CXADR: variants seen among roughly 807,000 people sequenced by gnomAD.
The protein encoded by CXADR is coxsackievirus and adenovirus receptor.
A neutral mutation model predicts 40.3 loss-of-function variants in CXADR; 20 were observed. The ratio of observed to expected loss-of-function variants is 0.50; its 90% confidence interval spans 0.35 to 0.72. The LOEUF (loss-of-function observed/expected upper bound fraction) is 0.72, where lower values mean the gene tolerates loss of function less well. Ranked by LOEUF, CXADR falls within the 30% of genes least tolerant of loss-of-function variation. CXADR has a pLI of 0.01. For synonymous variants in CXADR, 150 were observed against 161.3 expected (o/e 0.93, Z 0.53); for missense variants, 332 against 449.1 (o/e 0.74, Z 2.36).
chr21:17,598,146 C>T (rs2061527224), downstream of CXADR, among the ~76,000 whole-genome samples: 1 of 152,052 alleles, frequency 6.6e-6, no homozygotes, highest in African/African-American at 2.4e-5. Flanking sequence ...AGCTATATGA[C>T]TTTTCAACTA....
chr21:17,605,721 TAATA>T, the CXADR span, among the ~76,000 whole-genome samples: 1 of 152,184 alleles, frequency 6.6e-6, no homozygotes, highest in East Asian at 1.9e-4. Context: ...ATGGAATGTT[TAATA>T]AATAAAAAAT....
intron 1 of CXADR, among the ~76,000 whole-genome samples, chr21:17,540,416 G>A (rs892936076): frequency 2.6e-5 from 4 of 152,016 alleles, no homozygotes; most frequent in Non-Finnish European, 4.4e-5. Flanking sequence ...GATTGTATTT[G>A]CTGTTGGGTG....
chr21:17,528,607 C>T (rs1446994793), intron 1 of CXADR, among the ~76,000 whole-genome samples: 1 of 150,752 alleles, frequency 6.6e-6, no homozygotes, highest in Admixed American at 6.6e-5. Context: ...GGGGTTTCTT[C>T]ATGTTGGTCA....
intron 3 of CXADR, among the ~76,000 whole-genome samples, chr21:17,555,925 CCT>C (rs921017414): frequency 4.5e-4 from 68 of 152,140 alleles, no homozygotes; most frequent in African/African-American, 1.5e-3. Flanking sequence ...AAAAGTATCC[CCT>C]GTCTCATGTA....
chr21:17,565,518 C>G lies in CXADR; in HGVS notation c.924C>G (p.Ser308=). The change falls in exon 7 of 7, where the codon TCC becomes TCG. Residue 308 remains serine, a synonymous_variant. Coordinates refer to ENST00000284878, the MANE Select transcript of CXADR (RefSeq NM_001338.5). ...CATCCCTGGGGTCCATGTCTCCTTC[C>G]AACATGGAAGGATATTCCAAGACTC... ...NHSSLGSMSP[S]NMEGYSKTQY... 1 of 1,613,880 alleles carries G rather than the reference C, an allele frequency of 6.2e-7. No individual in the cohort carries two copies. Among genetic ancestry groups the G allele is most frequent in the African/African-American group, 1.3e-5 (1 of 75,006 alleles).
the CXADR span, among the ~76,000 whole-genome samples, chr21:17,609,639 C>A: frequency 6.6e-6 from 1 of 152,238 alleles, no homozygotes; most frequent in Non-Finnish European, 1.5e-5. Context: ...ACAGAGTTAT[C>A]ATATGACACG....
intron 7 of CXADR, among the ~76,000 whole-genome samples, chr21:17,591,777 A>C (rs2061437496): frequency 1.3e-5 from 2 of 151,958 alleles, no homozygotes; most frequent in South Asian, 4.1e-4. Context: ...TCATGTTTTA[A>C]GAGCCACCTT....
At chr21:17,522,807 A>C (rs1310049682) in intron 1 of CXADR, among the ~76,000 whole-genome samples, 1 of 152,098 alleles carries the variant, frequency 6.6e-6, no homozygotes, top group Non-Finnish European at 1.5e-5. Flanking sequence ...TCTCCAGTAC[A>C]TTTCTAGTCT....
At chr21:17,544,975 GT>G (rs901727844) in intron 1 of CXADR, among the ~76,000 whole-genome samples, 19 of 150,630 alleles carry the variant, frequency 1.3e-4, no homozygotes, top group Non-Finnish European at 1.6e-4. Flanking sequence ...CTTCATTTTG[GT>G]TTGTTCTGTC....
intron 1 of CXADR, among the ~76,000 whole-genome samples, chr21:17,530,730 C>G (rs1440512914): frequency 6.6e-6 from 1 of 152,156 alleles, no homozygotes; most frequent in Non-Finnish European, 1.5e-5. Context: ...AGGAGAATCA[C>G]TTGAGCCCAG....
rs1403613011 is a variant in CXADR at position 17,568,789 on chromosome 21, C to T, written c.*3097C>T. The stretch of plus-strand genomic sequence containing the variant: ...CCCTTGTTAGAGAGCCTCTCACTCC[C>T]CCACCCCCAAAAATGTCTACTATTC... On this transcript the variant is annotated 3_prime_UTR_variant, in exon 7 of 7. Coordinates refer to ENST00000284878, the MANE Select transcript of CXADR (RefSeq NM_001338.5). 1 of 984,900 alleles carries T rather than the reference C, an allele frequency of 1.0e-6. No homozygotes were observed. The highest frequency in any genetic ancestry group is 4.7e-5 in the South Asian group (1 of 21,258). 61.0% of individuals were successfully genotyped at this position (984,900 alleles called of 1,614,324 possible).
chr21:17,565,679 G>C lies in CXADR; in HGVS notation c.1085G>C (p.Gly362Ala), dbSNP rs2061197850. Residue 362 changes from glycine (G) to alanine (A), a missense_variant, in exon 7 of 7, where the codon GGG (glycine) becomes GCG (alanine). Coordinates refer to ENST00000284878, the MANE Select transcript of CXADR (RefSeq NM_001338.5). ...ATGATTCCAGCACAGAGCAAGGATG[G>C]GTCTATAGTATAGAGCCTCCATATG... Reference protein sequence around the residue: ...PVMIPAQSKDGSIV With the variant: ...PVMIPAQSKDASIV The C allele has an allele frequency of 3.1e-6, 5 of 1,611,704 alleles. No homozygotes were observed. The highest frequency in any genetic ancestry group is 4.2e-6 in the Non-Finnish European group (5 of 1,179,814).
chr21:17,557,027 C>T (rs940276229), intron 3 of CXADR, among the ~76,000 whole-genome samples: 14 of 152,158 alleles, frequency 9.2e-5, no homozygotes, highest in Admixed American at 9.2e-4. Context: ...AGTGTTCAAG[C>T]AGCATTATTC....
the CXADR span, among the ~76,000 whole-genome samples, chr21:17,632,529 A>G: frequency 6.6e-6 from 1 of 152,210 alleles, no homozygotes; most frequent in Non-Finnish European, 1.5e-5. Context: ...CATTTAGGAG[A>G]CACAAACAAA....
the CXADR span, chr21:17,608,834 A>T: frequency 2.4e-6 from 2 of 841,544 alleles, no homozygotes; most frequent in Non-Finnish European, 3.5e-6. Context: ...AGTAAGGAGA[A>T]AATATACAAA....
chr21:17,562,694 T>C (rs1050669903), intron 6 of CXADR, among the ~76,000 whole-genome samples: 2 of 152,260 alleles, frequency 1.3e-5, no homozygotes, highest in African/African-American at 4.8e-5. Context: ...TGTTACTTAG[T>C]GTAGTTACCT....
At chr21:17,612,823 G>A in the CXADR span, 1 of 152,176 alleles carries the variant, frequency 6.6e-6, no homozygotes, top group African/African-American at 2.4e-5. Context: ...AGCCTCGTCC[G>A]GCGCGTGCGG....
Position 17,568,198 on chromosome 21 carries a change from G to A in CXADR, c.*2506G>A, listed in dbSNP as rs2061237460. 28 of 954,234 alleles carry A rather than the reference G, an allele frequency of 2.9e-5. No individual in the cohort carries two copies. The highest frequency in any genetic ancestry group is 3.2e-5 in the Non-Finnish European group (26 of 809,898). The allele number at this position is 954,234 out of a possible 1,614,324, so 59.1% of individuals were successfully genotyped here. Reference sequence around the variant, plus strand: ...GGCTGGAGTGCAGTGGCGGGATCTCGGCTCACTGCAAGCTCCGCCTCCCAG... The same window carrying A: ...GGCTGGAGTGCAGTGGCGGGATCTCAGCTCACTGCAAGCTCCGCCTCCCAG... On this transcript the variant is annotated 3_prime_UTR_variant, in exon 7 of 7. Coordinates refer to ENST00000284878, the MANE Select transcript of CXADR (RefSeq NM_001338.5).
At chr21:17,623,468 G>A in the CXADR span, among the ~76,000 whole-genome samples, 4 of 152,102 alleles carry the variant, frequency 2.6e-5, no homozygotes, top group African/African-American at 9.6e-5. Context: ...ATTAAGCCCC[G>A]AGGCAGCATC....
Sources: gnomAD v4.1 joint callset for allele counts (sites outside exome capture counted in the v4.1 genomes callset) on GRCh38, gnomAD v4.1.1 for gene constraint, MANE v1.5 for transcripts, NCBI Gene and HGNC (gene_info 2026-07-23, HGNC 2026-07-21) for gene names.